Variants in AFF2 observed in about 807,000 individuals in gnomAD.
AFF2 encodes AF4/FMR2 family member 2.
AFF2 carries 14 observed loss-of-function variants against 76.9 expected under a neutral mutation model. That is an observed-to-expected ratio of 0.18 (90% CI 0.12 to 0.28). The LOEUF (loss-of-function observed/expected upper bound fraction) is 0.28, where lower values mean the gene tolerates loss of function less well. Ranked by LOEUF, AFF2 falls within the 10% of genes least tolerant of loss-of-function variation. AFF2 has a pLI of 1.00. For synonymous variants in AFF2, 398 were observed against 366.7 expected (o/e 1.09, Z -0.98); for missense variants, 868 against 1,001.1 (o/e 0.87, Z 1.79).
At chrX:148,551,336 A>G (rs1329469472) in intron 1 of AFF2, among the ~76,000 whole-genome samples, 1 of 109,260 alleles carries the variant, frequency 9.2e-6, no homozygotes, top group Non-Finnish European at 1.9e-5. Flanking sequence ...ACATAAAACA[A>G]TATGGGCATA....
chrX:148,991,336 G>A lies in AFF2; in HGVS notation c.*4G>A. 1.7e-6 allele frequency: 2 copies of A among 1,198,889 alleles called. No individual in the cohort carries two copies. The highest frequency in any genetic ancestry group is 2.3e-6 in the Non-Finnish European group (2 of 888,178). On this transcript the variant is annotated 3_prime_UTR_variant, in exon 21 of 21. Transcript: ENST00000370460. ...CATCGATGCCCACTTGTTGTAGTGG[G>A]TGTTCTCAGATCTCTAGCATCACGA...
chrX:148,590,670 A>T (rs989760734), intron 1 of AFF2, among the ~76,000 whole-genome samples: 1 of 112,077 alleles, frequency 8.9e-6, no homozygotes, highest in Non-Finnish European at 1.9e-5. Flanking sequence ...CTTCTAGAAG[A>T]ACCCAAGAAT....
chrX:148,653,306 T>C (rs1320494775), intron 2 of AFF2, among the ~76,000 whole-genome samples: 1 of 112,243 alleles, frequency 8.9e-6, no homozygotes, highest in African/African-American at 3.2e-5. Context: ...GATATATAAT[T>C]GGTTTAACAA....
intron 3 of AFF2, among the ~76,000 whole-genome samples, chrX:148,680,242 G>GAA (rs2054532587): frequency 8.9e-6 from 1 of 112,366 alleles, no homozygotes; most frequent in Admixed American, 9.4e-5. Context: ...CAGAATAGGT[G>GAA]CTCATTAAAT....
rs575125559 is a variant in AFF2, at chrX:148,871,260, G to A, written c.1263-14629G>A. Among the ~76,000 whole-genome samples the A allele has an allele frequency of 7.2e-5, 8 of 111,208 alleles. No homozygotes were observed. The South Asian group carries it at 2.4e-3, about 33-fold the overall frequency. On this transcript the variant is annotated intron_variant, in intron 7 of 20. Coordinates refer to ENST00000370460, the MANE Select transcript of AFF2 (RefSeq NM_002025.4). ...TTTGTGAGTTAACATTTGCCTTACT[G>A]TGGGAGTTACATACCCGTACAGGGC...
intron 3 of AFF2, among the ~76,000 whole-genome samples, chrX:148,678,139 T>C (rs1309725160): frequency 8.9e-6 from 1 of 112,023 alleles, no homozygotes; most frequent in Non-Finnish European, 1.9e-5. Flanking sequence ...CCATATACTT[T>C]TGTATTTTGA....
At chrX:148,558,972 T>C (rs1557240056) in intron 1 of AFF2, among the ~76,000 whole-genome samples, 3 of 111,172 alleles carry the variant, frequency 2.7e-5, no homozygotes, top group African/African-American at 9.8e-5. Context: ...CAGCTGTTGG[T>C]GCCCTTAGTG....
chrX:148,592,840 C>T (rs2053536662), intron 1 of AFF2, among the ~76,000 whole-genome samples: 1 of 112,163 alleles, frequency 8.9e-6, no homozygotes, highest in African/African-American at 3.2e-5. Flanking sequence ...CCCAGCTGAG[C>T]CCAGGCAGGA....
At position 148,962,878 on chromosome X, in the gene AFF2, A is replaced by T. The variant is rs782418975; in HGVS notation, c.2854A>T (p.Thr952Ser). Residue 952 changes from threonine to serine, a missense_variant, in exon 13 of 21, where the codon ACC becomes TCC. This residue lies in a region of AFF2 where 532 missense variants were observed against 564.2 expected (regional missense o/e 0.94). Coordinates refer to ENST00000370460, the MANE Select transcript of AFF2 (RefSeq NM_002025.4). ...CGCCATGACTGGACAAATCACATCTACCAAACCTAAGAGAACTGAAGGCAA... is the reference window on the plus strand; with the variant it reads ...CGCCATGACTGGACAAATCACATCTTCCAAACCTAAGAGAACTGAAGGCAA... ...NIAMTGQITSTKPKRTEGKFC... is the reference protein window; with the variant it reads ...NIAMTGQITSSKPKRTEGKFC... The T allele has an allele frequency of 6.6e-6, 8 of 1,210,501 alleles. No individual in the cohort carries two copies. The highest frequency in any genetic ancestry group is 7.8e-6 in the Non-Finnish European group (7 of 894,290).
chrX:148,983,953 C>CA (rs56767828), intron 19 of AFF2, among the ~76,000 whole-genome samples: 325 of 29,123 alleles, frequency 0.011, 36 homozygotes, highest in Middle Eastern at 0.071. Context: ...GTGAAATAGA[C>CA]AAAAAAAAAA....
At chrX:148,588,686 T>G (rs1157659359) in intron 1 of AFF2, among the ~76,000 whole-genome samples, 1 of 112,159 alleles carries the variant, frequency 8.9e-6, no homozygotes, top group African/African-American at 3.2e-5. Flanking sequence ...CAATTTCTAC[T>G]AGCTTACCAG....
At chrX:148,509,476 C>T (rs2059795047) in intron 1 of AFF2, among the ~76,000 whole-genome samples, 1 of 112,131 alleles carries the variant, frequency 8.9e-6, no homozygotes, top group African/African-American at 3.2e-5. Flanking sequence ...CACAGACCAA[C>T]ATTTGCTGAG....
chrX:148,889,694 AGGT>A (rs1158655382), intron 8 of AFF2, among the ~76,000 whole-genome samples: 1 of 111,824 alleles, frequency 8.9e-6, no homozygotes, highest in Non-Finnish European at 1.9e-5. Context: ...CTGTTTTCTA[AGGT>A]GGTGGGACAA....
At chrX:148,766,879 A>G (rs1231928203) in intron 3 of AFF2, among the ~76,000 whole-genome samples, 1 of 112,033 alleles carries the variant, frequency 8.9e-6, no homozygotes, top group East Asian at 2.8e-4. Context: ...GTGCCAAAAG[A>G]AACATCAAAG....
At chrX:148,674,298 C>A (rs1437360552) in intron 3 of AFF2, among the ~76,000 whole-genome samples, 2 of 112,270 alleles carry the variant, frequency 1.8e-5, no homozygotes, top group Non-Finnish European at 3.8e-5. Context: ...ATTTGGCTGG[C>A]AAAACTTAGT....
At chrX:148,806,466 G>C (rs185206766) in intron 3 of AFF2, among the ~76,000 whole-genome samples, 144 of 111,899 alleles carry the variant, frequency 1.3e-3, no homozygotes, top group African/African-American at 4.3e-3. Flanking sequence ...GAACCCGGTA[G>C]GTACCCTTTC....
At chrX:148,523,796 G>A (rs781833491) in intron 1 of AFF2, among the ~76,000 whole-genome samples, 76 of 111,504 alleles carry the variant, frequency 6.8e-4, no homozygotes, top group African/African-American at 2.4e-3. Flanking sequence ...CAACACTGTC[G>A]CTGCTCCAGA....
chrX:148,533,502 C>T (rs2052752238), intron 1 of AFF2, among the ~76,000 whole-genome samples: 1 of 110,967 alleles, frequency 9.0e-6, no homozygotes, highest in Non-Finnish European at 1.9e-5. Flanking sequence ...CCGTGTTAGC[C>T]AGGATGGTCT....
intron 1 of AFF2, among the ~76,000 whole-genome samples, chrX:148,515,990 GA>G (rs1336463747): frequency 2.7e-5 from 3 of 111,851 alleles, no homozygotes; most frequent in Non-Finnish European, 5.6e-5. Flanking sequence ...GGATAGGTCA[GA>G]ACAAATTCCA....
Sources: gnomAD v4.1 joint callset for allele counts (sites outside exome capture counted in the v4.1 genomes callset) on GRCh38, gnomAD v4.1.1 for gene constraint, gnomAD v4.1.1 regional missense constraint, MANE v1.5 for transcripts, NCBI Gene and HGNC (gene_info 2026-07-23, HGNC 2026-07-21) for gene names.